Variants in CACNA1D observed in about 807,000 individuals in gnomAD.
CACNA1D encodes voltage-dependent L-type calcium channel subunit alpha-1D.
CACNA1D carries 55 observed loss-of-function variants against 257.1 expected under a neutral mutation model. The ratio of observed to expected loss-of-function variants is 0.21; its 90% confidence interval spans 0.17 to 0.27. The LOEUF (loss-of-function observed/expected upper bound fraction) is 0.27, where lower values mean the gene tolerates loss of function less well. CACNA1D is among the 10% of genes least tolerant of loss of function. CACNA1D has a pLI of 1.00. For missense variants in CACNA1D, 1,876 were observed against 2,784.0 expected (o/e 0.67, Z 7.34); for synonymous variants, 980 against 1,014.9 (o/e 0.97, Z 0.65).
chr3:53,701,856 C>T (rs755533356), intron 8 of CACNA1D, among the ~76,000 whole-genome samples: 2 of 152,220 alleles, frequency 1.3e-5, no homozygotes, highest in Non-Finnish European at 2.9e-5. Context: ...GGAACATTTA[C>T]CTGTCTGCCA....
chr3:53,778,354 G>GA (rs2095408728), intron 37 of CACNA1D, among the ~76,000 whole-genome samples: 1 of 152,188 alleles, frequency 6.6e-6, no homozygotes, highest in Non-Finnish European at 1.5e-5. Context: ...CCATTTTGCT[G>GA]ACTCAGGAAC....
intron 25 of CACNA1D, 135 bp from the exon 26 acceptor site, chr3:53,747,167 T>C: frequency 2.6e-6 from 2 of 782,452 alleles, no homozygotes; most frequent in Non-Finnish European, 4.6e-6. Flanking sequence ...GCCGGTGTTA[T>C]GCTCAGCTGT....
rs1019472583 is a variant in CACNA1D at position 53,812,909 on chromosome 3, A to C, written c.*1503A>C. On this transcript the variant is annotated 3_prime_UTR_variant, in exon 48 of 48. Coordinates refer to ENST00000350061, the MANE Select transcript of CACNA1D (RefSeq NM_001128840.3). The stretch of plus-strand genomic sequence containing the variant: ...TTTGAGGGCTTTTATATGCAATTGA[A>C]TGAGGGCTGAAGTTTTCATTAGAAT... The C allele has an allele frequency of 1.7e-5, 2 of 115,328 alleles. No individual in the cohort carries two copies. The highest frequency in any genetic ancestry group is 5.0e-5 in the African/African-American group (2 of 39,626). 7.1% of individuals were successfully genotyped at this position (115,328 alleles called of 1,614,324 possible).
intron 8 of CACNA1D, among the ~76,000 whole-genome samples, chr3:53,693,188 C>T (rs1356656): frequency 0.033 from 5,042 of 152,292 alleles, 276 homozygotes; most frequent in African/African-American, 0.11. Flanking sequence ...TTCATGACTG[C>T]TGCTGGAGAA....
At chr3:53,690,065 G>T (rs971528459) in intron 8 of CACNA1D, among the ~76,000 whole-genome samples, 1 of 152,146 alleles carries the variant, frequency 6.6e-6, no homozygotes, top group Non-Finnish European at 1.5e-5. Flanking sequence ...TACAGATGAG[G>T]AAATCAAGAC....
At chr3:53,752,292 A>G (rs2095232442) in intron 28 of CACNA1D, among the ~76,000 whole-genome samples, 1 of 152,150 alleles carries the variant, frequency 6.6e-6, no homozygotes, top group South Asian at 2.1e-4. Context: ...AGTTGTTTAA[A>G]TTCCCCGAGG....
At chr3:53,691,843 T>G (rs2094528382) in intron 8 of CACNA1D, among the ~76,000 whole-genome samples, 3 of 116,040 alleles carry the variant, frequency 2.6e-5, no homozygotes, top group Non-Finnish European at 3.4e-5. Context: ...ATATATTACA[T>G]ATATAATATA....
At position 53,723,730 on chromosome 3, in the gene CACNA1D, G is replaced by T; in HGVS notation, c.1893-62G>T. ...CGGCAACCAGTCACATCCCCGGGCAGGTGATGTTCTGCTCTGTCCTGCATG... is the reference window on the plus strand; with the variant it reads ...CGGCAACCAGTCACATCCCCGGGCATGTGATGTTCTGCTCTGTCCTGCATG... On this transcript the variant is annotated intron_variant, in intron 13 of 47. Coordinates refer to ENST00000350061, the MANE Select transcript of CACNA1D (RefSeq NM_001128840.3). The surrounding 1 kb of genome is among the most constrained non-coding windows in gnomAD (Gnocchi z 5.6). 2 of 1,588,374 alleles carry T rather than the reference G, an allele frequency of 1.3e-6. No individual in the cohort carries two copies. The highest frequency in any genetic ancestry group is 1.3e-5 in the African/African-American group (1 of 74,460).
intron 29 of CACNA1D, among the ~76,000 whole-genome samples, chr3:53,757,500 A>T (rs1293048827): frequency 6.6e-6 from 1 of 152,018 alleles, no homozygotes; most frequent in Non-Finnish European, 1.5e-5. Context: ...CTTCAAAATG[A>T]TCTCCCTGCC....
chr3:53,666,276 C>T (rs562061268), intron 6 of CACNA1D, 63 bp from the exon 7 acceptor site: 33 of 1,514,412 alleles, frequency 2.2e-5, no homozygotes, highest in Admixed American at 8.3e-5. Context: ...TCTCACCTTC[C>T]GCTGGCTTGG....
At chr3:53,589,291 C>A (rs1253421071) in intron 3 of CACNA1D, among the ~76,000 whole-genome samples, 1 of 152,128 alleles carries the variant, frequency 6.6e-6, no homozygotes, top group Non-Finnish European at 1.5e-5. Flanking sequence ...GGGCCTTTAG[C>A]GAGCCTGCAG....
intron 37 of CACNA1D, among the ~76,000 whole-genome samples, chr3:53,779,594 A>G (rs1352476902): frequency 6.6e-6 from 1 of 152,178 alleles, no homozygotes; most frequent in Non-Finnish European, 1.5e-5. Flanking sequence ...AGGGGAGCCC[A>G]TGGTGTAAGC....
intron 2 of CACNA1D, among the ~76,000 whole-genome samples, chr3:53,501,134 C>T (rs758737571): frequency 3.9e-5 from 6 of 152,120 alleles, no homozygotes; most frequent in Admixed American, 6.5e-5. Flanking sequence ...TCCAGACAGG[C>T]GATTTAGGCT....
chr3:53,617,283 G>A (rs948085127), intron 3 of CACNA1D, among the ~76,000 whole-genome samples: 2 of 152,094 alleles, frequency 1.3e-5, no homozygotes, highest in African/African-American at 2.4e-5. Context: ...AAAGCCCTCC[G>A]ATGTCAGTGG....
chr3:53,555,460 G>GT (rs372133749), intron 3 of CACNA1D, among the ~76,000 whole-genome samples: 864 of 78,392 alleles, frequency 0.011, 32 homozygotes, highest in African/African-American at 0.022. Context: ...GTGTGTGTGT[G>GT]TTTTTTTTTT....
intron 9 of CACNA1D, among the ~76,000 whole-genome samples, chr3:53,716,140 G>A (rs888378493): frequency 2.6e-5 from 4 of 152,206 alleles, no homozygotes; most frequent in African/African-American, 7.2e-5. Flanking sequence ...GTTCCTACAT[G>A]ATCAATATTA....
chr3:53,507,335 A>G (rs1462713815), intron 3 of CACNA1D, among the ~76,000 whole-genome samples: 1 of 152,034 alleles, frequency 6.6e-6, no homozygotes, highest in Admixed American at 6.6e-5. Flanking sequence ...GTGGCTGGGC[A>G]TAGTAGCTCA....
At chr3:53,752,019 T>C (rs1289515066) in intron 28 of CACNA1D, 112 bp downstream of exon 28, 6 of 1,048,044 alleles carry the variant, frequency 5.7e-6, no homozygotes, top group South Asian at 5.0e-5. Flanking sequence ...ATTTTTCTGA[T>C]GAGTCTGGGC....
chr3:53,745,933 AT>A lies in CACNA1D; in HGVS notation c.3167+60del, dbSNP rs1462974411. On this transcript the variant is annotated intron_variant, in intron 25 of 47. Coordinates refer to ENST00000350061, the MANE Select transcript of CACNA1D (RefSeq NM_001128840.3). Reference sequence around the variant, plus strand: ...GAAGAGCAAATAGCAGACTTCAAGGATTCACACATGTTGGCACGTCAGAAGT... The same window carrying A: ...GAAGAGCAAATAGCAGACTTCAAGGATCACACATGTTGGCACGTCAGAAGT... 11 of 1,342,094 alleles carry A rather than the reference AT, an allele frequency of 8.2e-6. No individual in the cohort carries two copies. The African/African-American group carries it at 1.4e-4, about 18-fold the overall frequency. The allele number at this position is 1,342,094 out of a possible 1,614,324, so 83.1% of individuals were successfully genotyped here.
Sources: gnomAD v4.1 joint callset for allele counts (sites outside exome capture counted in the v4.1 genomes callset) on GRCh38, gnomAD v4.1.1 for gene constraint, Gnocchi (gnomAD v3.1) non-coding constraint, MANE v1.5 for transcripts, NCBI Gene and HGNC (gene_info 2026-07-23, HGNC 2026-07-21) for gene names.